PCNX2: variants seen among roughly 807,000 people sequenced by gnomAD.
The protein encoded by PCNX2 is pecanex-like protein 2.
A neutral mutation model predicts 223.8 loss-of-function variants in PCNX2; 168 were observed. The observed-to-expected ratio is 0.75, with a 90% CI of 0.66 to 0.85. The LOEUF (loss-of-function observed/expected upper bound fraction) is 0.85, where lower values mean the gene tolerates loss of function less well. Ranked by LOEUF, PCNX2 falls within the 40% of genes least tolerant of loss-of-function variation. The probability of loss-of-function intolerance (pLI) is 0.00; values close to 1 mark genes in which losing one functional copy is unlikely to be tolerated. For missense variants in PCNX2, 2,507 were observed against 2,675.5 expected (o/e 0.94, Z 1.39); for synonymous variants, 1,006 against 1,052.6 (o/e 0.96, Z 0.86).
At chr1:233,178,413 T>C (rs761046283) in intron 16 of PCNX2, among the ~76,000 whole-genome samples, 2 of 152,218 alleles carry the variant, frequency 1.3e-5, no homozygotes, top group Non-Finnish European at 2.9e-5. Context: ...CTACTGTCAA[T>C]ATCTTAAACT....
rs747751901 is a variant in PCNX2 at position 233,161,256 on chromosome 1, T to G, written c.3366+15A>C. Reference sequence around the variant, plus strand: ...ATAAGGGGGCAGGAAGAGTACAAAGTTGGTGGATACATACTCGCAATGACA... The same window carrying G: ...ATAAGGGGGCAGGAAGAGTACAAAGGTGGTGGATACATACTCGCAATGACA... On this transcript the variant is annotated intron_variant, in intron 18 of 33. Coordinates refer to ENST00000258229, the MANE Select transcript of PCNX2 (RefSeq NM_014801.4). 3 of 1,606,254 alleles carry G rather than the reference T, an allele frequency of 1.9e-6. No homozygotes were observed. The highest frequency in any genetic ancestry group is 2.6e-6 in the Non-Finnish European group (3 of 1,173,200).
intron 25 of PCNX2, among the ~76,000 whole-genome samples, chr1:233,037,160 T>A (rs912181569): frequency 6.6e-6 from 1 of 151,930 alleles, no homozygotes; most frequent in African/African-American, 2.4e-5. Context: ...GGAAACAGAG[T>A]GCTAATAGTA....
chr1:233,263,045 A>G lies in PCNX2; in HGVS notation c.272T>C (p.Ile91Thr), dbSNP rs1458864236. 1 of 1,613,762 alleles carries G rather than the reference A, an allele frequency of 6.2e-7. No homozygotes were observed. Among genetic ancestry groups the G allele is most frequent in the South Asian group, 1.1e-5 (1 of 91,080 alleles). Residue 91 changes from isoleucine to threonine, a missense_variant, in exon 2 of 34, where the codon ATT becomes ACT. This residue lies in a region of PCNX2 where 1,031 missense variants were observed against 1,021.7 expected (regional missense o/e 1.01). Transcript: ENST00000258229. Reference protein sequence around the residue: ...LHLMFDKGEVIQQKPSRKEEK... With the variant: ...LHLMFDKGEVTQQKPSRKEEK... Reference sequence around the variant, plus strand: ...TTCCTTTCTGGAGGGCTTTTGCTGAATTACTTCTCCTTTGTCAAACATGAG... The same window carrying G: ...TTCCTTTCTGGAGGGCTTTTGCTGAGTTACTTCTCCTTTGTCAAACATGAG...
chr1:233,269,771 G>A lies in PCNX2; in HGVS notation c.154-6608C>T, dbSNP rs575102101. ...AAGTTTGACATTTATATGCCCATCCGAGAGTGCTGGGATGATTGTGCTGTA... is the reference window on the plus strand; with the variant it reads ...AAGTTTGACATTTATATGCCCATCCAAGAGTGCTGGGATGATTGTGCTGTA... On this transcript the variant is annotated intron_variant, in intron 1 of 33. Transcript: ENST00000258229. Among the ~76,000 whole-genome samples the A allele has an allele frequency of 4.6e-5, 7 of 152,108 alleles. No homozygotes were observed. The South Asian group carries it at 8.3e-4, about 18-fold the overall frequency.
intron 19 of PCNX2, among the ~76,000 whole-genome samples, chr1:233,142,018 G>A (rs938339446): frequency 6.6e-6 from 1 of 152,104 alleles, no homozygotes; most frequent in African/African-American, 2.4e-5. Context: ...GATGAAACAG[G>A]GAGGAAGAGT....
At position 232,986,165 on chromosome 1, in the gene PCNX2, C is replaced by G. The variant is rs1434845840; in HGVS notation, c.6167G>C (p.Ser2056Thr). The G allele has an allele frequency of 6.4e-7, 1 of 1,567,316 alleles. No individual in the cohort carries two copies. The highest frequency in any genetic ancestry group is 8.7e-7 in the Non-Finnish European group (1 of 1,155,462). ...GLSAAEGGNT[S>T]DTQSSSSVNI... ...GACGCTGCTGGATGACTGGGTGTCACTGGTATTGCCCCCCTCCGCAGCAGA... is the reference window on the plus strand; with the variant it reads ...GACGCTGCTGGATGACTGGGTGTCAGTGGTATTGCCCCCCTCCGCAGCAGA... Residue 2056 changes from serine to threonine, a missense_variant, in exon 33 of 34, where the codon AGT (serine) becomes ACT (threonine). Transcript: ENST00000258229.
chr1:233,135,153 G>C lies in PCNX2; in HGVS notation c.3697C>G (p.Leu1233Val). The part of the protein sequence containing the change: ...IFLMIIAGMK[L>V]LRTSFCNPVY... ...GGGTTGCAGAATGATGTCCGCAACA[G>C]CTTCATGCCAGCAATGATCATCAGA... The change falls in exon 21 of 34, where the codon CTG (leucine) becomes GTG (valine). Residue 1233 changes from leucine (L) to valine (V), a missense_variant. Physicochemically the swap from Leu to Val is conservative, Grantham distance 32 (BLOSUM62 1). Around this residue, in one of 3 missense-constraint regions of PCNX2, gnomAD observed 1,372 missense variants for 1,509.4 expected, o/e 0.91. Transcript: ENST00000258229. 1 of 1,613,830 alleles carries C rather than the reference G, an allele frequency of 6.2e-7. No homozygotes were observed. The highest frequency in any genetic ancestry group is 8.5e-7 in the Non-Finnish European group (1 of 1,179,826).
intron 19 of PCNX2, among the ~76,000 whole-genome samples, chr1:233,143,238 A>G (rs962379834): frequency 2.0e-5 from 3 of 152,210 alleles, no homozygotes; most frequent in Non-Finnish European, 4.4e-5. Flanking sequence ...GTCATCCTAA[A>G]TCAGCTCTTC....
intron 21 of PCNX2, among the ~76,000 whole-genome samples, chr1:233,121,592 G>C (rs1675798259): frequency 6.6e-6 from 1 of 152,144 alleles, no homozygotes; most frequent in Non-Finnish European, 1.5e-5. Context: ...GGAGTAGAAG[G>C]TTCTAGAACC....
At chr1:233,041,112 G>A (rs560675884) in intron 25 of PCNX2, among the ~76,000 whole-genome samples, 11 of 152,178 alleles carry the variant, frequency 7.2e-5, no homozygotes, top group African/African-American at 2.6e-4. Flanking sequence ...TACATTCTCA[G>A]CTTCTTGACA....
At chr1:233,279,699 A>AT (rs1661092002) in intron 1 of PCNX2, among the ~76,000 whole-genome samples, 2 of 152,104 alleles carry the variant, frequency 1.3e-5, no homozygotes, top group African/African-American at 4.8e-5. Flanking sequence ...ATGATTTATT[A>AT]TTTTCTTTAC....
intron 1 of PCNX2, chr1:233,291,002 G>A: frequency 2.0e-6 from 2 of 985,422 alleles, no homozygotes; most frequent in Non-Finnish European, 2.4e-6. Flanking sequence ...CTCCAGTGGA[G>A]TTGACCACAA....
chr1:233,084,993 G>C (rs1673529631), intron 23 of PCNX2, among the ~76,000 whole-genome samples: 1 of 152,156 alleles, frequency 6.6e-6, no homozygotes, highest in Admixed American at 6.5e-5. Flanking sequence ...AGCCAGATTA[G>C]GATTTCTATT....
upstream of PCNX2, among the ~76,000 whole-genome samples, chr1:233,297,878 C>T (rs1345726005): frequency 6.6e-6 from 1 of 152,086 alleles, no homozygotes; most frequent in East Asian, 1.9e-4. Context: ...CATATATGAT[C>T]TTAAGGCTTA....
chr1:233,095,705 G>T, intron 22 of PCNX2, 50 bp downstream of exon 22: 1 of 1,459,012 alleles, frequency 6.9e-7, no homozygotes, highest in Non-Finnish European at 9.5e-7. Flanking sequence ...GCTTGCTTCC[G>T]TAAAATGTGA....
chr1:233,218,987 G>A (rs1343888991), intron 10 of PCNX2, among the ~76,000 whole-genome samples: 2 of 152,118 alleles, frequency 1.3e-5, no homozygotes, highest in East Asian at 1.9e-4. Context: ...AGAGTTGAGG[G>A]TGAGCTGCAA....
rs146306741 is a variant in PCNX2, at chr1:233,210,838, G to A, written c.2692-2149C>T. On this transcript the variant is annotated intron_variant, in intron 12 of 33. Transcript: ENST00000258229. ...AGCACCAGTGGAATTCAGCTGGGGAGCATCTTGCAAGGCTATTGCACAAAA... is the reference window on the plus strand; with the variant it reads ...AGCACCAGTGGAATTCAGCTGGGGAACATCTTGCAAGGCTATTGCACAAAA... Among the ~76,000 whole-genome samples, 1,506 of 152,274 alleles carry A rather than the reference G, an allele frequency of 9.9e-3. 27 individuals carry two copies. The highest frequency in any genetic ancestry group is 0.035 in the African/African-American group (1,436 of 41,546).
At position 233,093,996 on chromosome 1, in the gene PCNX2, T is replaced by C. The variant is rs558179573; in HGVS notation, c.3946+1759A>G. On this transcript the variant is annotated intron_variant, in intron 22 of 33. Transcript: ENST00000258229. Reference sequence around the variant, plus strand: ...TTAAGTGCCAAATACCATGTGCTCATGTGTGAACCCTCAACACGAATATAG... The same window carrying C: ...TTAAGTGCCAAATACCATGTGCTCACGTGTGAACCCTCAACACGAATATAG... Among the ~76,000 whole-genome samples the C allele has an allele frequency of 4.6e-5, 7 of 152,354 alleles. No homozygotes were observed. In the South Asian group the frequency reaches 1.0e-3, roughly 23 times the overall value.
intron 8 of PCNX2, among the ~76,000 whole-genome samples, chr1:233,245,486 C>G (rs1010177849): frequency 6.6e-6 from 1 of 152,210 alleles, no homozygotes; most frequent in Non-Finnish European, 1.5e-5. Flanking sequence ...GGATGCCGCA[C>G]ATGTGTGCAA....
Sources: gnomAD v4.1 joint callset for allele counts (sites outside exome capture counted in the v4.1 genomes callset) on GRCh38, gnomAD v4.1.1 for gene constraint, gnomAD v4.1.1 regional missense constraint, MANE v1.5 for transcripts, NCBI Gene and HGNC (gene_info 2026-07-23, HGNC 2026-07-21) for gene names.